CEP76: variants seen among roughly 807,000 people sequenced by gnomAD.
The protein encoded by CEP76 is centrosomal protein of 76 kDa.
In CEP76, 55 loss-of-function variants were observed where a neutral mutation model predicts 83.3. That is an observed-to-expected ratio of 0.66 (90% CI 0.53 to 0.83). CEP76 has a LOEUF of 0.83. CEP76 is among the 40% of genes least tolerant of loss of function. The pLI, the probability that CEP76 is intolerant of heterozygous loss-of-function variation, is 0.00. For missense variants in CEP76, 694 were observed against 799.5 expected, an observed-to-expected ratio of 0.87 and a Z score of 1.59; for synonymous variants, 270 against 274.5, an observed-to-expected ratio of 0.98 and a Z score of 0.16.
chr18:12,675,729 C>T (rs779768331), intron 10 of CEP76, among the ~76,000 whole-genome samples: 4 of 151,910 alleles, frequency 2.6e-5, no homozygotes, highest in East Asian at 1.9e-4. Flanking sequence ...AATGCAGTGG[C>T]GCGATCTCGG....
At chr18:12,695,090 C>A (rs189617735) in intron 6 of CEP76, among the ~76,000 whole-genome samples, 164 bp downstream of exon 6, 156 of 152,256 alleles carry the variant, frequency 1.0e-3, no homozygotes, top group African/African-American at 3.6e-3. Context: ...GGAAAACAAT[C>A]TTGTCTTTAT....
chr18:12,671,556 CTT>C (rs1382887149), downstream of CEP76, among the ~76,000 whole-genome samples: 1 of 149,418 alleles, frequency 6.7e-6, no homozygotes, highest in African/African-American at 2.5e-5. Flanking sequence ...AATTGCTACT[CTT>C]TTTAAAGTTT....
At chr18:12,702,314 CGAG>C (rs1271622097) in intron 1 of CEP76, 169 bp downstream of exon 1, 8 of 559,866 alleles carry the variant, frequency 1.4e-5, no homozygotes, top group Non-Finnish European at 2.5e-5. Context: ...TTCTCGGAGA[CGAG>C]GACGCTCTCC....
chr18:12,678,376 TG>T lies in CEP76; in HGVS notation c.1355del (p.Pro452HisfsTer24). 6.2e-7 allele frequency: 1 copy of T among 1,614,128 alleles called. No homozygotes were observed. Among genetic ancestry groups the T allele is most frequent in the African/African-American group, 1.3e-5 (1 of 75,028 alleles). ...PVAEQPKPLY[P>X]YRTIGCVFNH... ...TGAAAACACAACCAATTGTTCGATA[TG>T]GGTACAGTGGTTTGGGCTGTTCAGC... On this transcript the variant is annotated frameshift_variant, in exon 10 of 12. Coordinates refer to ENST00000262127, the MANE Select transcript of CEP76 (RefSeq NM_024899.4). LOFTEE classifies it high-confidence loss of function.
At chr18:12,695,138 A>C (rs1473932773) in intron 6 of CEP76, 116 bp downstream of exon 6, 3 of 473,944 alleles carry the variant, frequency 6.3e-6, no homozygotes, top group Non-Finnish European at 1.1e-5. Context: ...TTGAGTGCTA[A>C]TCTAGAAAGT....
In CEP76 at chr18:12,702,576, T is replaced by C; in HGVS notation, c.-28A>G. The C allele has an allele frequency of 1.3e-6, 2 of 1,581,386 alleles. No individual in the cohort carries two copies. Among genetic ancestry groups the C allele is most frequent in the Non-Finnish European group, 1.7e-6 (2 of 1,165,526 alleles). ...TGGCAGCCGGCGTCTCCCCGCCGCT[T>C]CTCCCCGCCTCAGATGCCCTAACTG... On this transcript the variant is annotated 5_prime_UTR_variant, in exon 1 of 12. Transcript: ENST00000262127.
chr18:12,679,989 G>A (rs966298401), intron 9 of CEP76, among the ~76,000 whole-genome samples: 1 of 151,438 alleles, frequency 6.6e-6, no homozygotes, highest in African/African-American at 2.4e-5. Flanking sequence ...CCAGGAGGGG[G>A]AGGCTGCAGT....
At chr18:12,690,462 G>GTTT (rs35616464) in intron 7 of CEP76, among the ~76,000 whole-genome samples, 15 of 146,792 alleles carry the variant, frequency 1.0e-4, no homozygotes, top group Non-Finnish European at 1.7e-4. Flanking sequence ...ATTTTTTGTT[G>GTTT]TTTTTTTTTT....
intron 10 of CEP76, among the ~76,000 whole-genome samples, chr18:12,674,963 A>C (rs1212461184): frequency 6.6e-6 from 1 of 152,166 alleles, no homozygotes; most frequent in Non-Finnish European, 1.5e-5. Context: ...TTAGAGAAAC[A>C]ACCAAAAAAC....
intron 1 of CEP76, 148 bp downstream of exon 1, chr18:12,702,338 T>C (rs1179599048): frequency 3.2e-6 from 2 of 621,464 alleles, no homozygotes; most frequent in African/African-American, 3.9e-5. Flanking sequence ...TGCCTCAAAC[T>C]CAAAGCTCTG....
intron 8 of CEP76, among the ~76,000 whole-genome samples, chr18:12,681,619 T>C (rs950440443): frequency 2.0e-5 from 3 of 151,890 alleles, no homozygotes; most frequent in African/African-American, 7.3e-5. Context: ...CAGCAAGAAA[T>C]GCAAATAAAT....
At chr18:12,693,942 C>T (rs1055216212) in intron 6 of CEP76, among the ~76,000 whole-genome samples, 3 of 152,062 alleles carry the variant, frequency 2.0e-5, no homozygotes, top group African/African-American at 7.2e-5. Flanking sequence ...AGCAATCCTC[C>T]CATTTCAGCT....
chr18:12,680,451 C>T (rs544348083), intron 9 of CEP76, among the ~76,000 whole-genome samples: 44 of 151,982 alleles, frequency 2.9e-4, no homozygotes, highest in African/African-American at 1.0e-3. Flanking sequence ...CAAAAATCAG[C>T]CAGGTGCGGT....
chr18:12,665,273 G>C (rs1428427082), intron 12 of CEP76: 1 of 152,142 alleles, frequency 6.6e-6, no homozygotes, highest in Non-Finnish European at 1.5e-5. Context: ...GAAGGGTATA[G>C]GTAAAGGTAT....
Position 12,686,424 on chromosome 18 carries a change from G to A in CEP76, c.960C>T (p.Val320=). 6.2e-7 allele frequency: 1 copy of A among 1,613,280 alleles called. No homozygotes were observed. The highest frequency in any genetic ancestry group is 8.5e-7 in the Non-Finnish European group (1 of 1,179,650). Residue 320 remains valine (V), a synonymous_variant, in exon 8 of 12, where the codon GTC becomes GTT. Coordinates refer to ENST00000262127, the MANE Select transcript of CEP76 (RefSeq NM_024899.4). ...CTCGAAGTGGTTTAACATAGGAACA[G>A]ACTGGTCTATTTATCCCATTTTCAT... ...AQDENGINRP[V]CSYVKPLRAG... is the part of the protein sequence containing the mutation.
At chr18:12,693,471 G>A (rs1016476573) in intron 6 of CEP76, among the ~76,000 whole-genome samples, 5 of 151,806 alleles carry the variant, frequency 3.3e-5, no homozygotes, top group Non-Finnish European at 2.9e-5. Context: ...CAAAAAAGTA[G>A]AGCCCAAACA....
At chr18:12,696,958 T>G (rs2039978496) in intron 5 of CEP76, among the ~76,000 whole-genome samples, 1 of 152,162 alleles carries the variant, frequency 6.6e-6, no homozygotes, top group African/African-American at 2.4e-5. Flanking sequence ...AACTTGAAAT[T>G]AAAACCCTCA....
intron 6 of CEP76, among the ~76,000 whole-genome samples, chr18:12,691,792 T>G (rs1040448121): frequency 8.6e-5 from 13 of 151,618 alleles, no homozygotes; most frequent in African/African-American, 2.9e-4. Context: ...CTCAGCTCAC[T>G]GCAACCTCTG....
chr18:12,686,989 T>G (rs1174094260), intron 7 of CEP76, among the ~76,000 whole-genome samples: 1 of 152,166 alleles, frequency 6.6e-6, no homozygotes, highest in Non-Finnish European at 1.5e-5. Flanking sequence ...AAAAACACTC[T>G]AGAAAAAGTT....
Sources: allele counts gnomAD v4.1 joint callset (sites outside exome capture counted in the v4.1 genomes callset), GRCh38; gene constraint gnomAD v4.1.1; transcripts MANE v1.5; gene names NCBI Gene and HGNC (gene_info 2026-07-23, HGNC 2026-07-21).